RBMS3: variants seen among roughly 807,000 people sequenced by gnomAD.
RBMS3 encodes RNA binding motif single stranded interacting protein 3, also known as RNA-binding motif, single-stranded-interacting protein 3.
A neutral mutation model predicts 66.8 loss-of-function variants in RBMS3; 27 were observed. That is an observed-to-expected ratio of 0.40 (90% CI 0.30 to 0.56). The LOEUF (loss-of-function observed/expected upper bound fraction) is 0.56, where lower values mean the gene tolerates loss of function less well. Among genes scored for constraint, RBMS3 ranks in the 20% least tolerant of loss-of-function variants. The pLI is 0.40. For missense variants in RBMS3, 513 were observed against 549.5 expected, an observed-to-expected ratio of 0.93 and a Z score of 0.66; for synonymous variants, 188 against 183.0, an observed-to-expected ratio of 1.03 and a Z score of -0.22.
At chr3:29,484,659 A>G (rs184203760) in intron 2 of RBMS3, among the ~76,000 whole-genome samples, 45 of 152,316 alleles carry the variant, frequency 3.0e-4, no homozygotes, top group African/African-American at 1.1e-3. Flanking sequence ...ACTTCAGAAT[A>G]TAAATGGGTT....
chr3:29,625,512 G>A (rs112433646), intron 4 of RBMS3, among the ~76,000 whole-genome samples: 15 of 151,892 alleles, frequency 9.9e-5, no homozygotes, highest in African/African-American at 3.6e-4. Flanking sequence ...CGACCAAAGT[G>A]GTGAAACTCC....
At chr3:29,746,967 T>A (rs979904667) in intron 5 of RBMS3, among the ~76,000 whole-genome samples, 9 of 152,198 alleles carry the variant, frequency 5.9e-5, no homozygotes, top group African/African-American at 2.2e-4. Context: ...CTTTGTTACC[T>A]CCAGATTAGA....
chr3:29,703,767 A>G (rs75286459), intron 4 of RBMS3, among the ~76,000 whole-genome samples: 3,690 of 152,292 alleles, frequency 0.024, 137 homozygotes, highest in African/African-American at 0.083. Flanking sequence ...CATTTAATCC[A>G]GGGATCCCCA....
chr3:29,609,116 A>G (rs2048406897), intron 4 of RBMS3, among the ~76,000 whole-genome samples: 1 of 152,048 alleles, frequency 6.6e-6, no homozygotes, highest in African/African-American at 2.4e-5. Context: ...AAAATAAAAT[A>G]AAGGAAAACA....
chr3:29,444,741 G>A (rs954911115), intron 2 of RBMS3, among the ~76,000 whole-genome samples: 17 of 139,312 alleles, frequency 1.2e-4, no homozygotes, highest in Non-Finnish European at 4.6e-5. Flanking sequence ...CATTTGAAGT[G>A]GTCCTTTCTT....
At chr3:29,501,046 G>A (rs1260392807) in intron 3 of RBMS3, among the ~76,000 whole-genome samples, 1 of 152,146 alleles carries the variant, frequency 6.6e-6, no homozygotes, top group African/African-American at 2.4e-5. Context: ...GAAAAGTCCT[G>A]GGGAAGTTGT....
At chr3:29,623,104 CAAA>C (rs397875682) in intron 4 of RBMS3, among the ~76,000 whole-genome samples, 2 of 83,702 alleles carry the variant, frequency 2.4e-5, no homozygotes, top group Non-Finnish European at 2.4e-5. Context: ...GACTCCCTCT[CAAA>C]AAAAAAAAAA....
chr3:29,510,230 G>C (rs9866974), intron 3 of RBMS3, among the ~76,000 whole-genome samples: 12,564 of 152,164 alleles, frequency 0.083, 900 homozygotes, highest in East Asian at 0.36. Context: ...AAAGAGCACT[G>C]ATATCATAGA....
At chr3:29,347,313 G>A (rs1203035927) in intron 1 of RBMS3, among the ~76,000 whole-genome samples, 2 of 152,152 alleles carry the variant, frequency 1.3e-5, no homozygotes, top group Non-Finnish European at 2.9e-5. Context: ...ACATAAATAT[G>A]TGTAGGTAAG....
intron 6 of RBMS3, among the ~76,000 whole-genome samples, chr3:29,844,228 C>A (rs1233672007): frequency 6.6e-6 from 1 of 151,982 alleles, no homozygotes; most frequent in African/African-American, 2.4e-5. Context: ...TGAGAAAGCT[C>A]TTTGTTTTTT....
At chr3:29,392,605 CT>C (rs1159308523) in intron 1 of RBMS3, among the ~76,000 whole-genome samples, 1 of 152,048 alleles carries the variant, frequency 6.6e-6, no homozygotes, top group African/African-American at 2.4e-5. Context: ...GCTTTTAAAC[CT>C]TTGCTTAGTA....
intron 12 of RBMS3, among the ~76,000 whole-genome samples, chr3:29,986,290 T>A (rs1341232048): frequency 6.6e-6 from 1 of 152,166 alleles, no homozygotes; most frequent in Non-Finnish European, 1.5e-5. Flanking sequence ...AAAGAAACAT[T>A]TTCCAGAATA....
intron 12 of RBMS3, among the ~76,000 whole-genome samples, chr3:29,966,567 C>G (rs917295412): frequency 2.6e-5 from 4 of 152,088 alleles, no homozygotes; most frequent in African/African-American, 9.7e-5. Flanking sequence ...CTGCTGAATT[C>G]TTTGATCAGT....
intron 4 of RBMS3, among the ~76,000 whole-genome samples, chr3:29,712,884 C>T (rs2053234094): frequency 6.6e-6 from 1 of 152,168 alleles, no homozygotes; most frequent in Non-Finnish European, 1.5e-5. Context: ...TTCCCACATT[C>T]TCCACCTTGC....
At chr3:29,858,016 A>G (rs542232891) in intron 6 of RBMS3, among the ~76,000 whole-genome samples, 8 of 152,302 alleles carry the variant, frequency 5.3e-5, no homozygotes, top group Non-Finnish European at 1.0e-4. Context: ...AACAAACAAA[A>G]CCAACATACT....
rs1576050199 is a variant in RBMS3 at position 29,507,564 on chromosome 3, C to G, written c.307+19065C>G. ...GTCAAAATGTGAAGTATGATGGCTT[C>G]TGACAATGTTTTTACTTGATATGTG... On this transcript the variant is annotated intron_variant, in intron 3 of 14. Coordinates refer to ENST00000383767, the MANE Select transcript of RBMS3 (RefSeq NM_001003793.3). Among the ~76,000 whole-genome samples the G allele has an allele frequency of 4.6e-5, 7 of 152,034 alleles. No homozygotes were observed. In the South Asian group the frequency reaches 1.4e-3, roughly 31 times the overall value.
intron 4 of RBMS3, among the ~76,000 whole-genome samples, chr3:29,642,184 A>G (rs2049743440): frequency 6.6e-6 from 1 of 152,088 alleles, no homozygotes; most frequent in African/African-American, 2.4e-5. Context: ...CCCTGGGTGA[A>G]GTGAATGAAC....
intron 1 of RBMS3, among the ~76,000 whole-genome samples, chr3:29,304,508 C>T (rs2033885537): frequency 2.6e-5 from 4 of 151,880 alleles, no homozygotes; most frequent in Admixed American, 2.6e-4. Context: ...AAGTCCTGTG[C>T]CCATATTGAC....
chr3:29,674,894 A>G (rs2051174287), intron 4 of RBMS3, among the ~76,000 whole-genome samples: 1 of 152,182 alleles, frequency 6.6e-6, no homozygotes, highest in African/African-American at 2.4e-5. Flanking sequence ...ACAGAATTGG[A>G]AAAAACTACT....
Sources: allele counts gnomAD v4.1 joint callset (sites outside exome capture counted in the v4.1 genomes callset), GRCh38; gene constraint gnomAD v4.1.1; transcripts MANE v1.5; gene names NCBI Gene and HGNC (gene_info 2026-07-23, HGNC 2026-07-21).